The following BBX variants were observed in gnomAD, a reference collection of about 807,000 sequenced individuals.
The protein encoded by BBX is HMG box transcription factor BBX.
In BBX, 30 loss-of-function variants were observed where a neutral mutation model predicts 100.2. That is an observed-to-expected ratio of 0.30 (90% CI 0.22 to 0.41). The LOEUF (loss-of-function observed/expected upper bound fraction) is 0.41, where lower values mean the gene tolerates loss of function less well. BBX is among the 10% of genes least tolerant of loss of function. The probability of loss-of-function intolerance (pLI) is 1.00; values close to 1 mark genes in which losing one functional copy is unlikely to be tolerated. For synonymous variants in BBX, 376 were observed against 388.1 expected, an observed-to-expected ratio of 0.97 and a Z score of 0.37; for missense variants, 1,023 against 1,129.8, an observed-to-expected ratio of 0.91 and a Z score of 1.35.
chr3:107,527,264 G>A (rs1177636254), intron 2 of BBX, among the ~76,000 whole-genome samples: 3 of 152,148 alleles, frequency 2.0e-5, no homozygotes, highest in Non-Finnish European at 4.4e-5. Flanking sequence ...AGTTGTTGAT[G>A]TTTGGAAACT....
rs540115731 is a variant in BBX at position 107,773,820 on chromosome 3, A to G, written c.1915+184A>G. The stretch of plus-strand genomic sequence containing the variant: ...CTTTACTTACATGTTTTCTAGCACC[A>G]TTAAGGGAAGTGTATTCATTTTGTA... On this transcript the variant is annotated intron_variant, in intron 11 of 17. Coordinates refer to ENST00000325805, the MANE Select transcript of BBX (RefSeq NM_001142568.3). The surrounding 1 kb of genome is among the most constrained non-coding windows in gnomAD (Gnocchi z 4.1). 6.6e-6 allele frequency among the ~76,000 whole-genome samples: 1 copy of G among 152,310 alleles called. No individual in the cohort carries two copies. Among genetic ancestry groups the G allele is most frequent in the East Asian group, 1.9e-4 (1 of 5,190 alleles).
intron 7 of BBX, among the ~76,000 whole-genome samples, chr3:107,742,804 A>G (rs1193585784): frequency 6.6e-6 from 1 of 152,226 alleles, no homozygotes; most frequent in Non-Finnish European, 1.5e-5. Context: ...ATGTGTTCAT[A>G]TAGGAAGTTT....
intron 3 of BBX, among the ~76,000 whole-genome samples, chr3:107,697,876 C>T (rs562844189): frequency 2.6e-5 from 4 of 152,052 alleles, no homozygotes; most frequent in Non-Finnish European, 5.9e-5. Context: ...CCCTCCGAGC[C>T]AGGTGTGGGT....
At chr3:107,733,104 C>G (rs1366325570) in intron 7 of BBX, 81 bp downstream of exon 7, 5 of 1,248,088 alleles carry the variant, frequency 4.0e-6, no homozygotes. Context: ...GTTGTTCATT[C>G]TGCATTTTCA....
intron 17 of BBX, among the ~76,000 whole-genome samples, chr3:107,802,306 C>T (rs2070583747): frequency 6.6e-6 from 1 of 152,212 alleles, no homozygotes; most frequent in South Asian, 2.1e-4. Context: ...TTGCTATTTA[C>T]CTGTCATATT....
chr3:107,707,961 CCTTA>C (rs2061484300), intron 3 of BBX, among the ~76,000 whole-genome samples: 1 of 152,176 alleles, frequency 6.6e-6, no homozygotes, highest in Non-Finnish European at 1.5e-5. Flanking sequence ...ATAGAAGTTG[CCTTA>C]CTTACAGTTT....
rs1302953580 is a variant in BBX at position 107,604,327 on chromosome 3, CAT to C, written c.-83-41506_-83-41505del. Among the ~76,000 whole-genome samples the C allele has an allele frequency of 1.3e-5, 2 of 152,160 alleles. 1 individual carries two copies. Among genetic ancestry groups the C allele is most frequent in the East Asian group, 3.8e-4 (2 of 5,200 alleles). On this transcript the variant is annotated intron_variant, in intron 2 of 17. Transcript: ENST00000325805. ...TCTTCTGTCACAGAGCAGCTCATGA[CAT>C]ATTTAATATCATTTCTCCTCCAAGA...
chr3:107,625,955 T>C (rs191233058), intron 2 of BBX, among the ~76,000 whole-genome samples: 198 of 152,266 alleles, frequency 1.3e-3, no homozygotes, highest in African/African-American at 4.5e-3. Flanking sequence ...ACATATAATA[T>C]ATATACCTTA....
chr3:107,769,236 AGATAG>A (rs1469370083), intron 10 of BBX, among the ~76,000 whole-genome samples: 49 of 142,480 alleles, frequency 3.4e-4, no homozygotes, highest in African/African-American at 1.2e-3. Flanking sequence ...ATAGACAGAT[AGATAG>A]GATAGATAGA....
rs550547633 is a variant in BBX at position 107,609,433 on chromosome 3, A to G, written c.-83-36403A>G. 4.6e-5 allele frequency among the ~76,000 whole-genome samples: 7 copies of G among 151,910 alleles called. No homozygotes were observed. The East Asian group carries it at 9.7e-4, about 21-fold the overall frequency. On this transcript the variant is annotated intron_variant, in intron 2 of 17. Transcript: ENST00000325805. ...TTTAGAAGTATTCCCCATCTCCTCT[A>G]TTTTCTGGAATAGTCTGAGTAGGAT...
At chr3:107,562,890 C>G (rs1403367751) in intron 2 of BBX, among the ~76,000 whole-genome samples, 1 of 152,186 alleles carries the variant, frequency 6.6e-6, no homozygotes, top group Non-Finnish European at 1.5e-5. Flanking sequence ...TTGAGATGAT[C>G]TATTTTTACC....
chr3:107,533,145 G>A (rs980374279), intron 2 of BBX, among the ~76,000 whole-genome samples: 3 of 152,058 alleles, frequency 2.0e-5, no homozygotes, highest in Non-Finnish European at 4.4e-5. Flanking sequence ...CCTAGATATA[G>A]CTAGGAATGT....
chr3:107,583,946 AT>A (rs1336326966), intron 2 of BBX, among the ~76,000 whole-genome samples: 8 of 76,276 alleles, frequency 1.0e-4, no homozygotes, highest in African/African-American at 4.5e-4. Flanking sequence ...TATTATATAT[AT>A]TATTATATTA....
At chr3:107,555,472 A>G (rs1457419100) in intron 2 of BBX, among the ~76,000 whole-genome samples, 1 of 152,224 alleles carries the variant, frequency 6.6e-6, no homozygotes, top group Non-Finnish European at 1.5e-5. Flanking sequence ...GAAGACATTG[A>G]CTGCTGTGAT....
intron 3 of BBX, among the ~76,000 whole-genome samples, chr3:107,654,471 T>G (rs1264057917): frequency 6.6e-6 from 1 of 152,156 alleles, no homozygotes; most frequent in Non-Finnish European, 1.5e-5. Flanking sequence ...AATAGAATAT[T>G]TTATACATTG....
chr3:107,700,752 A>G (rs1349223828), intron 3 of BBX, among the ~76,000 whole-genome samples: 2 of 151,518 alleles, frequency 1.3e-5, no homozygotes, highest in African/African-American at 2.4e-5. Context: ...CCACGTCCCT[A>G]CAAAGGACAT....
intron 2 of BBX, among the ~76,000 whole-genome samples, chr3:107,576,588 A>C (rs1012078237): frequency 6.6e-6 from 1 of 152,220 alleles, no homozygotes. Flanking sequence ...AAAAGAATCT[A>C]TAGAACTAAG....
At chr3:107,707,893 G>T (rs1576439641) in intron 3 of BBX, among the ~76,000 whole-genome samples, 1 of 151,916 alleles carries the variant, frequency 6.6e-6, no homozygotes, top group Non-Finnish European at 1.5e-5. Flanking sequence ...TCAAAATTTT[G>T]GGGGCTAAAG....
At chr3:107,587,900 T>C (rs2052985057) in intron 2 of BBX, among the ~76,000 whole-genome samples, 3 of 152,232 alleles carry the variant, frequency 2.0e-5, no homozygotes, top group Admixed American at 6.5e-5. Flanking sequence ...GTACCTATTA[T>C]GTGCCAAGCT....
Sources: gnomAD v4.1 joint callset for allele counts (sites outside exome capture counted in the v4.1 genomes callset) on GRCh38, gnomAD v4.1.1 for gene constraint, Gnocchi (gnomAD v3.1) non-coding constraint, MANE v1.5 for transcripts, NCBI Gene and HGNC (gene_info 2026-07-23, HGNC 2026-07-21) for gene names.